NCAM1: variants seen among roughly 807,000 people sequenced by gnomAD.
NCAM1 encodes the protein neural cell adhesion molecule 1, also known as antigen recognized by monoclonal antibody 5.1H11.
In NCAM1, 14 loss-of-function variants were observed where a neutral mutation model predicts 109.8. The ratio of observed to expected loss-of-function variants is 0.13; its 90% CI spans 0.08 to 0.20. The LOEUF is 0.20. Ranked by LOEUF, NCAM1 falls within the 10% of genes least tolerant of loss-of-function variation. The probability of loss-of-function intolerance (pLI) is 1.00; values close to 1 mark genes in which losing one functional copy is unlikely to be tolerated. For synonymous variants in NCAM1, 418 were observed against 442.9 expected (o/e 0.94, Z 0.70); for missense variants, 774 against 1,109.9 (o/e 0.70, Z 4.30).
chr11:113,016,981 G>T (rs554537691), intron 1 of NCAM1, among the ~76,000 whole-genome samples: 1 of 152,184 alleles, frequency 6.6e-6, no homozygotes, highest in Non-Finnish European at 1.5e-5. Context: ...ACCGATGTTT[G>T]CATTAAAGGA....
At position 113,275,463 on chromosome 11, in the gene NCAM1, GAC is replaced by G. The variant is rs375385430; in HGVS notation, c.*85_*86del. The G allele has an allele frequency of 6.7e-5, 103 of 1,534,456 alleles. 1 individual carries two copies. In the Middle Eastern group the frequency reaches 1.2e-3, roughly 18 times the overall value. On this transcript the variant is annotated 3_prime_UTR_variant, in exon 20 of 20. Coordinates refer to ENST00000316851, the MANE Select transcript of NCAM1 (RefSeq NM_181351.5). ...TCACCAGAGCATTTCCAACACCACA[GAC>G]ACACACACGCACGCACACACACAAA...
chr11:113,192,425 G>C (rs79255596), intron 1 of NCAM1, among the ~76,000 whole-genome samples: 21 of 3,912 alleles, frequency 5.4e-3, no homozygotes, highest in African/African-American at 0.034. Flanking sequence ...GAACAGGAAA[G>C]GTGGCCTGAA....
At chr11:112,967,113 CT>C (rs1179992801) in intron 1 of NCAM1, among the ~76,000 whole-genome samples, 1 of 152,124 alleles carries the variant, frequency 6.6e-6, no homozygotes, top group Non-Finnish European at 1.5e-5. Context: ...ACTCTGAGGA[CT>C]TTTTGATTTG....
intron 1 of NCAM1, among the ~76,000 whole-genome samples, chr11:113,104,313 A>G (rs1191253241): frequency 2.0e-5 from 3 of 151,374 alleles, no homozygotes; most frequent in Non-Finnish European, 4.4e-5. Flanking sequence ...ATACTGCCCT[A>G]CTACAAGGGT....
chr11:113,180,461 G>A (rs1272965718), intron 1 of NCAM1, among the ~76,000 whole-genome samples: 1 of 152,188 alleles, frequency 6.6e-6, no homozygotes, highest in African/African-American at 2.4e-5. Context: ...GTTTTTCTTA[G>A]CATGACACTT....
At chr11:113,010,230 A>G (rs1478075656) in intron 1 of NCAM1, among the ~76,000 whole-genome samples, 1 of 152,192 alleles carries the variant, frequency 6.6e-6, no homozygotes, top group Non-Finnish European at 1.5e-5. Context: ...CCCTTTTTAT[A>G]TATTTATTAA....
rs558368595 is a variant in NCAM1, at chr11:113,235,074, G to A, written c.1735G>A (p.Glu579Lys). ...CGTCACCATCGTGGGCCTGAAGCCCGAAACAACGTACGCCGTAAGGCTGGC... is the reference window on the plus strand; with the variant it reads ...CGTCACCATCGTGGGCCTGAAGCCCAAAACAACGTACGCCGTAAGGCTGGC... The part of the protein sequence containing the change: ...GIVTIVGLKP[E>K]TTYAVRLAAL... Residue 579 changes from glutamate (E) to lysine (K), a missense_variant, in exon 14 of 20, where the codon GAA (glutamate) becomes AAA (lysine). Glu to Lys is a moderately conservative substitution (Grantham distance 56, BLOSUM62 1). Around this residue, in one of 4 missense-constraint regions of NCAM1, gnomAD observed 523 missense variants for 784.2 expected, o/e 0.67. Transcript: ENST00000316851. The A allele has an allele frequency of 1.8e-5, 28 of 1,583,726 alleles. No individual in the cohort carries two copies. In the South Asian group the frequency reaches 1.8e-4, roughly 10 times the overall value.
intron 1 of NCAM1, among the ~76,000 whole-genome samples, chr11:113,070,670 A>T (rs1266612675): frequency 2.6e-5 from 4 of 152,286 alleles, no homozygotes; most frequent in Middle Eastern, 3.4e-3. Flanking sequence ...CATAAAAAGG[A>T]TTGATAGGAA....
chr11:113,076,801 G>A (rs1245218492), intron 1 of NCAM1, among the ~76,000 whole-genome samples: 1 of 152,136 alleles, frequency 6.6e-6, no homozygotes, highest in Non-Finnish European at 1.5e-5. Context: ...GCTGCATCAT[G>A]TTCAGCCCAC....
intron 17 of NCAM1, chr11:113,265,101 A>G: frequency 7.1e-6 from 7 of 985,314 alleles, no homozygotes; most frequent in Non-Finnish European, 8.4e-6. Flanking sequence ...ATGTTTTTCT[A>G]CTAATAAGAA....
intron 1 of NCAM1, chr11:112,977,533 A>G (rs1306995810): frequency 6.6e-6 from 1 of 151,874 alleles, no homozygotes; most frequent in Non-Finnish European, 1.5e-5. Flanking sequence ...TCTTAATAGA[A>G]AAGTATAGAT....
At chr11:113,151,301 G>A (rs1942215853) in intron 1 of NCAM1, among the ~76,000 whole-genome samples, 1 of 152,152 alleles carries the variant, frequency 6.6e-6, no homozygotes, top group Admixed American at 6.5e-5. Flanking sequence ...TGAAGCTGTG[G>A]GACCCTTGTC....
intron 1 of NCAM1, among the ~76,000 whole-genome samples, chr11:113,187,501 T>G (rs1202532564): frequency 1.3e-5 from 2 of 151,864 alleles, no homozygotes; most frequent in Non-Finnish European, 2.9e-5. Context: ...TAACTCACAG[T>G]CCAGTGAGTT....
intron 17 of NCAM1, among the ~76,000 whole-genome samples, chr11:113,268,314 C>G (rs782753725): frequency 6.6e-6 from 1 of 152,224 alleles, no homozygotes; most frequent in African/African-American, 2.4e-5. Flanking sequence ...GGCCAGCTTC[C>G]TGCTGCCAAA....
At chr11:113,047,463 A>G (rs1953309738) in intron 1 of NCAM1, among the ~76,000 whole-genome samples, 1 of 152,188 alleles carries the variant, frequency 6.6e-6, no homozygotes, top group African/African-American at 2.4e-5. Flanking sequence ...CCCAGGCCAT[A>G]CCGGGTTGGA....
chr11:113,182,402 T>A (rs1943361099), intron 1 of NCAM1, among the ~76,000 whole-genome samples: 1 of 152,208 alleles, frequency 6.6e-6, no homozygotes, highest in African/African-American at 2.4e-5. Flanking sequence ...CTGGCCCTGA[T>A]GCTTCTCTTC....
chr11:113,080,161 A>C (rs149237642), intron 1 of NCAM1, among the ~76,000 whole-genome samples: 1 of 152,154 alleles, frequency 6.6e-6, no homozygotes, highest in Non-Finnish European at 1.5e-5. Context: ...TCATCCACTT[A>C]TATAATAATG....
chr11:113,170,366 C>T (rs534387855), intron 1 of NCAM1, among the ~76,000 whole-genome samples: 1 of 152,372 alleles, frequency 6.6e-6, no homozygotes, highest in East Asian at 1.9e-4. Flanking sequence ...AATAGGATCG[C>T]TGTCCTTTGG....
At chr11:113,008,641 A>G (rs1555073745) in intron 1 of NCAM1, among the ~76,000 whole-genome samples, 1 of 152,218 alleles carries the variant, frequency 6.6e-6, no homozygotes, top group Non-Finnish European at 1.5e-5. Flanking sequence ...AAATAGTTCC[A>G]TCGAGTCACC....
Sources: allele counts gnomAD v4.1 joint callset (sites outside exome capture counted in the v4.1 genomes callset), GRCh38; gene constraint gnomAD v4.1.1; regional missense constraint gnomAD v4.1.1; transcripts MANE v1.5; gene names NCBI Gene and HGNC (gene_info 2026-07-23, HGNC 2026-07-21).